Variants in DNAH8 observed in about 807,000 individuals in gnomAD.
DNAH8 encodes the protein dynein axonemal heavy chain 8.
In DNAH8, 382 loss-of-function variants were observed where a neutral mutation model predicts 562.1. That is an observed-to-expected ratio of 0.68 (90% CI 0.63 to 0.74). DNAH8 has a LOEUF of 0.74. Among genes scored for constraint, DNAH8 ranks in the 30% least tolerant of loss-of-function variants. DNAH8 has a pLI of 0.00. For missense variants in DNAH8, 5,203 were observed against 5,620.4 expected, an observed-to-expected ratio of 0.93 and a Z score of 2.37; for synonymous variants, 1,881 against 1,919.4, an observed-to-expected ratio of 0.98 and a Z score of 0.52.
In DNAH8 at chr6:38,815,237, G is replaced by A. The variant is rs569857239; in HGVS notation, c.3334-231G>A. Among the ~76,000 whole-genome samples the A allele has an allele frequency of 5.3e-5, 8 of 152,236 alleles. No individual in the cohort carries two copies. In the South Asian group the frequency reaches 8.3e-4, roughly 16 times the overall value. On this transcript the variant is annotated intron_variant, in intron 25 of 92. Transcript: ENST00000327475. ...TTTCTATCTGTTATTAAAAAGTTACGTCCGCATTAGCTCGTGGTGTAATGA... is the reference window on the plus strand; with the variant it reads ...TTTCTATCTGTTATTAAAAAGTTACATCCGCATTAGCTCGTGGTGTAATGA...
At chr6:38,852,954 C>T (rs560489311) in intron 40 of DNAH8, among the ~76,000 whole-genome samples, 156 bp downstream of exon 40, 1 of 152,286 alleles carries the variant, frequency 6.6e-6, no homozygotes, top group African/African-American at 2.4e-5. Context: ...AATCCTTTAA[C>T]TTCTCTGAGA....
chr6:38,978,606 T>A (rs1451352637), intron 85 of DNAH8, among the ~76,000 whole-genome samples: 2 of 152,236 alleles, frequency 1.3e-5, no homozygotes, highest in Non-Finnish European at 2.9e-5. Context: ...GTGTGGCTTG[T>A]ATTTTTCTTT....
chr6:38,974,533 A>G lies in DNAH8; in HGVS notation c.12834+4A>G. 1 of 1,611,130 alleles carries G rather than the reference A, an allele frequency of 6.2e-7. No homozygotes were observed. The highest frequency in any genetic ancestry group is 8.5e-7 in the Non-Finnish European group (1 of 1,178,556). ...ATTTTTACACTCCACTGTGCAGGTA[A>G]CTGCAGAAAGCAGTTTTCACATTTA... On this transcript the variant is annotated splice_donor_region_variant and intron_variant, in intron 85 of 92. Coordinates refer to ENST00000327475, the MANE Select transcript of DNAH8 (RefSeq NM_001206927.2).
At chr6:38,777,689 CA>C (rs1355802698) in intron 13 of DNAH8, among the ~76,000 whole-genome samples, 2 of 152,134 alleles carry the variant, frequency 1.3e-5, no homozygotes, top group Non-Finnish European at 2.9e-5. Flanking sequence ...CATCTCCCCC[CA>C]CAAAAGGCTG....
rs781008225 is a variant in DNAH8, at chr6:38,868,117, C to G, written c.6749C>G (p.Ser2250Cys). 6.2e-7 allele frequency: 1 copy of G among 1,613,564 alleles called. No individual in the cohort carries two copies. Among genetic ancestry groups the G allele is most frequent in the African/African-American group, 1.3e-5 (1 of 74,876 alleles). Residue 2250 changes from serine (S) to cysteine (C), a missense_variant, in exon 48 of 93, where the codon TCT becomes TGT. Ser to Cys is a moderately radical substitution (Grantham distance 112). This residue lies in a region of DNAH8 where 2,176 missense variants were observed against 2,365.1 expected (regional missense o/e 0.92). Coordinates refer to ENST00000327475, the MANE Select transcript of DNAH8 (RefSeq NM_001206927.2). ...CTGTCTGTATTGAGGACTCTTGGAT[C>G]TCAAAAAAGAGCCAGACCAGAAGAT... The part of the protein sequence containing the change: ...NILSVLRTLG[S>C]QKRARPEDSE...
intron 21 of DNAH8, among the ~76,000 whole-genome samples, chr6:38,794,786 A>C (rs1770072283): frequency 6.6e-6 from 1 of 152,148 alleles, no homozygotes; most frequent in Admixed American, 6.5e-5. Context: ...ATACGGATTT[A>C]GTACAGTTTA....
Position 38,890,633 on chromosome 6 carries a change from A to T in DNAH8, c.8474-19A>T, listed in dbSNP as rs1779280297. On this transcript the variant is annotated intron_variant, in intron 57 of 92. Coordinates refer to ENST00000327475, the MANE Select transcript of DNAH8 (RefSeq NM_001206927.2). ...AATCTTTTGGTAAGCTTATACCTTC[A>T]ATCTTGCTTATCTTTCAGGAATTAT... The T allele has an allele frequency of 1.3e-6, 2 of 1,538,922 alleles. No individual in the cohort carries two copies. The highest frequency in any genetic ancestry group is 2.2e-5 in the South Asian group (2 of 89,502).
intron 61 of DNAH8, 88 bp downstream of exon 61, chr6:38,898,468 T>A: frequency 8.6e-7 from 1 of 1,159,796 alleles, no homozygotes; most frequent in African/African-American, 1.6e-5. Flanking sequence ...AGAATAACTA[T>A]ATACTATCAG....
rs562637402 is a variant in DNAH8 at position 38,989,133 on chromosome 6, G to A, written c.13054-879G>A. 3.9e-5 allele frequency among the ~76,000 whole-genome samples: 6 copies of A among 152,314 alleles called. No homozygotes were observed. The East Asian group carries it at 1.2e-3, about 29-fold the overall frequency. On this transcript the variant is annotated intron_variant, in intron 87 of 92. Coordinates refer to ENST00000327475, the MANE Select transcript of DNAH8 (RefSeq NM_001206927.2). The stretch of plus-strand genomic sequence containing the variant: ...AAAAGAGCTGGAGGAAGGAGATGGA[G>A]GGAAGGTACTAGAGAACGTGTGACC...
At position 38,882,948 on chromosome 6, in the gene DNAH8, T is replaced by C. The variant is rs1778618744; in HGVS notation, c.7897T>C (p.Tyr2633His). The change falls in exon 54 of 93, where the codon TAT (tyrosine) becomes CAT (histidine). Residue 2633 changes from tyrosine to histidine, a missense_variant. Around this residue, in one of 6 missense-constraint regions of DNAH8, gnomAD observed 977 missense variants for 1,061.8 expected, o/e 0.92. Coordinates refer to ENST00000327475, the MANE Select transcript of DNAH8 (RefSeq NM_001206927.2). ...EHWNKKLQPY[Y>H]YPTDSIPEYS... ...CTGGAATAAGAAACTTCAGCCTTAT[T>C]ATTATCCAACTGACAGTATTCCGGA... The C allele has an allele frequency of 1.2e-6, 2 of 1,604,006 alleles. No homozygotes were observed. The highest frequency in any genetic ancestry group is 4.5e-5 in the East Asian group (2 of 44,396).
intron 91 of DNAH8, 136 bp downstream of exon 91, chr6:39,012,773 G>A (rs1240216892): frequency 2.3e-5 from 15 of 643,478 alleles, no homozygotes; most frequent in Admixed American, 9.8e-5. Context: ...ATTCAAAGGC[G>A]AAAGAACACA....
chr6:38,897,988 T>C (rs1280726830), intron 60 of DNAH8, among the ~76,000 whole-genome samples: 1 of 152,200 alleles, frequency 6.6e-6, no homozygotes, highest in Non-Finnish European at 1.5e-5. Flanking sequence ...ATATTTCCTA[T>C]ATTAATGTGT....
chr6:38,950,236 G>C (rs1466080898), intron 81 of DNAH8, among the ~76,000 whole-genome samples: 1 of 150,462 alleles, frequency 6.6e-6, no homozygotes, highest in East Asian at 2.0e-4. Context: ...ATGGTGGATG[G>C]GTAAGGCAGA....
At chr6:38,968,405 C>T (rs1398862455) in intron 82 of DNAH8, among the ~76,000 whole-genome samples, 1 of 151,812 alleles carries the variant, frequency 6.6e-6, no homozygotes, top group Non-Finnish European at 1.5e-5. Context: ...GGTCTAGTAT[C>T]CAGAATATAT....
chr6:38,856,148 T>C (rs1484647094), intron 41 of DNAH8, among the ~76,000 whole-genome samples: 1 of 152,234 alleles, frequency 6.6e-6, no homozygotes, highest in Non-Finnish European at 1.5e-5. Flanking sequence ...TCCTCCATTC[T>C]GCTTTCACTT....
chr6:38,995,846 T>A (rs184844008), intron 88 of DNAH8, among the ~76,000 whole-genome samples: 12 of 152,338 alleles, frequency 7.9e-5, no homozygotes, highest in African/African-American at 2.9e-4. Context: ...CCTAAAGGAA[T>A]GTACTAGCCT....
intron 28 of DNAH8, 104 bp from the exon 29 acceptor site, chr6:38,826,052 A>C: frequency 2.9e-6 from 2 of 699,998 alleles, no homozygotes; most frequent in Non-Finnish European, 4.7e-6. Context: ...TTCAAAAGCC[A>C]CATGTGGTTA....
At position 38,794,414 on chromosome 6, in the gene DNAH8, A is replaced by G. The variant is rs560326394; in HGVS notation, c.2901+2740A>G. The stretch of plus-strand genomic sequence containing the variant: ...TGCTTTAAAAAAATTGAGATGTAAC[A>G]TATACTCAGAAAAGTGCACAAATTT... On this transcript the variant is annotated intron_variant, in intron 21 of 92. Transcript: ENST00000327475. 3.3e-5 allele frequency among the ~76,000 whole-genome samples: 5 copies of G among 152,186 alleles called. No individual in the cohort carries two copies. In the South Asian group the frequency reaches 8.3e-4, roughly 25 times the overall value.
At chr6:38,817,789 G>A (rs191977494) in intron 26 of DNAH8, among the ~76,000 whole-genome samples, 2 of 152,276 alleles carry the variant, frequency 1.3e-5, no homozygotes, top group East Asian at 3.9e-4. Context: ...TAGGGAAAAA[G>A]CATGTGGATG....
Sources: gnomAD v4.1 joint callset for allele counts (sites outside exome capture counted in the v4.1 genomes callset) on GRCh38, gnomAD v4.1.1 for gene constraint, gnomAD v4.1.1 regional missense constraint, MANE v1.5 for transcripts, NCBI Gene and HGNC (gene_info 2026-07-23, HGNC 2026-07-21) for gene names.